The following AGBL1 variants were observed in gnomAD, a reference collection of about 807,000 sequenced individuals.
The protein encoded by AGBL1 is cytosolic carboxypeptidase 4.
AGBL1 carries 130 observed loss-of-function variants against 118.9 expected under a neutral mutation model. The ratio of observed to expected loss-of-function variants is 1.09; its 90% CI spans 0.95 to 1.26. The LOEUF (loss-of-function observed/expected upper bound fraction) is 1.26, where lower values mean the gene tolerates loss of function less well. AGBL1 is among the 50% of genes most tolerant of loss of function. The probability of loss-of-function intolerance (pLI) is 0.00; values close to 1 mark genes in which losing one functional copy is unlikely to be tolerated. For missense variants in AGBL1, 1,584 were observed against 1,298.1 expected (o/e 1.22, Z -3.38); for synonymous variants, 555 against 478.9 (o/e 1.16, Z -2.08).
intron 18 of AGBL1, among the ~76,000 whole-genome samples, chr15:86,409,757 G>A (rs2081584206): frequency 6.6e-6 from 1 of 151,998 alleles, no homozygotes; most frequent in African/African-American, 2.4e-5. Context: ...ATCAAGTTGG[G>A]GCTGAGGCTC....
chr15:86,290,624 T>C (rs1175846473), intron 16 of AGBL1, among the ~76,000 whole-genome samples: 1 of 151,982 alleles, frequency 6.6e-6, no homozygotes, highest in African/African-American at 2.4e-5. Context: ...AGTGCTGGGA[T>C]TACAGGTGTG....
intron 23 of AGBL1, among the ~76,000 whole-genome samples, chr15:86,960,499 A>T (rs1384554049): frequency 1.3e-5 from 2 of 152,074 alleles, no homozygotes; most frequent in African/African-American, 4.8e-5. Flanking sequence ...GTTGTCAAAG[A>T]TGTAAAGAAA....
intron 24 of AGBL1, among the ~76,000 whole-genome samples, chr15:86,995,279 A>G (rs1253418319): frequency 3.9e-5 from 6 of 152,238 alleles, no homozygotes. Context: ...CCCAACTATC[A>G]GGAGGCTGAG....
intron 22 of AGBL1, among the ~76,000 whole-genome samples, chr15:86,698,340 C>A (rs1345390450): frequency 6.6e-6 from 1 of 151,952 alleles, no homozygotes; most frequent in African/African-American, 2.4e-5. Flanking sequence ...GAAATATCCC[C>A]TAAAATAACT....
intron 15 of AGBL1, among the ~76,000 whole-genome samples, chr15:86,275,424 A>G (rs1041988475): frequency 1.3e-5 from 2 of 152,130 alleles, no homozygotes; most frequent in African/African-American, 4.8e-5. Context: ...GCCTTATTAG[A>G]TCCTGTTAAA....
rs1646341113 is a variant in AGBL1, at chr15:86,397,461, AG to A, written c.2471del (p.Ser824MetfsTer8). 2 of 1,613,192 alleles carry A rather than the reference AG, an allele frequency of 1.2e-6. No homozygotes were observed. Among genetic ancestry groups the A allele is most frequent in the Non-Finnish European group, 1.7e-6 (2 of 1,179,392 alleles). On this transcript the variant is annotated frameshift_variant, in exon 18 of 23. Transcript: ENST00000614907. LOFTEE classifies it high-confidence loss of function. ...GGGTACCTTGGAGTTCCTGGTCAGC[AG>A]TGACCCTGTGGCTAGGCTCTTGAGG... Reference protein sequence around the residue: ...MKGTLEFLVSSDPVARLLREN... With the variant: ...MKGTLEFLVSXDPVARLLREN...
At chr15:86,839,611 C>G (rs1176090401) in intron 22 of AGBL1, among the ~76,000 whole-genome samples, 2 of 152,164 alleles carry the variant, frequency 1.3e-5, no homozygotes, top group Non-Finnish European at 2.9e-5. Context: ...GCCTCTTCCC[C>G]TTATATGTCA....
chr15:86,370,690 T>C (rs1301424081), intron 17 of AGBL1, among the ~76,000 whole-genome samples: 7 of 152,232 alleles, frequency 4.6e-5, no homozygotes, highest in Admixed American at 3.9e-4. Context: ...TGCCTCTACT[T>C]ATCTGCTCTC....
intron 18 of AGBL1, among the ~76,000 whole-genome samples, chr15:86,420,642 A>G (rs1257786143): frequency 1.3e-5 from 2 of 152,228 alleles, no homozygotes; most frequent in Non-Finnish European, 2.9e-5. Flanking sequence ...AGGCTTCAGA[A>G]GGTGGTTAAT....
intron 22 of AGBL1, among the ~76,000 whole-genome samples, chr15:86,752,750 AGTT>A (rs1171278631): frequency 2.0e-5 from 3 of 152,124 alleles, no homozygotes; most frequent in African/African-American, 4.8e-5. Flanking sequence ...TGGGAGAAAA[AGTT>A]GTTAAGAGAG....
chr15:86,617,275 G>A (rs528940630), intron 21 of AGBL1, among the ~76,000 whole-genome samples: 2 of 152,108 alleles, frequency 1.3e-5, no homozygotes, highest in Non-Finnish European at 1.5e-5. Flanking sequence ...TTTCAGAGTC[G>A]ATAGCCAACA....
intron 5 of AGBL1, among the ~76,000 whole-genome samples, chr15:86,159,929 A>G (rs1017101530): frequency 6.6e-6 from 1 of 152,088 alleles, no homozygotes; most frequent in South Asian, 2.1e-4. Flanking sequence ...AGTGAAATAC[A>G]TTATATCTCA....
chr15:86,379,121 C>T (rs1182892557), intron 17 of AGBL1, among the ~76,000 whole-genome samples: 2 of 152,052 alleles, frequency 1.3e-5, no homozygotes, highest in East Asian at 3.9e-4. Context: ...CCGTGTTGGT[C>T]AGGCTGGTCT....
At chr15:86,786,005 T>A (rs12898682) in intron 22 of AGBL1, among the ~76,000 whole-genome samples, 58,409 of 152,016 alleles carry the variant, frequency 0.38, 12,865 homozygotes, top group Non-Finnish European at 0.52. Context: ...AGGTAGTTTG[T>A]GTACAAACAC....
chr15:86,561,853 T>C (rs978872538), intron 21 of AGBL1, among the ~76,000 whole-genome samples: 182 of 152,322 alleles, frequency 1.2e-3, no homozygotes, highest in Non-Finnish European at 2.2e-3. Flanking sequence ...GTAGTTCTCC[T>C]TGAAGAGGTC....
chr15:86,731,278 G>A (rs145995142), intron 22 of AGBL1, among the ~76,000 whole-genome samples: 12 of 152,198 alleles, frequency 7.9e-5, no homozygotes, highest in African/African-American at 2.4e-4. Context: ...GAAGTCTCAC[G>A]TACCTGAAAG....
intron 22 of AGBL1, among the ~76,000 whole-genome samples, chr15:86,862,804 G>T (rs1196462941): frequency 1.3e-5 from 2 of 152,186 alleles, no homozygotes; most frequent in Non-Finnish European, 2.9e-5. Context: ...ACAGCTATTG[G>T]TTGTGCTGAG....
intron 21 of AGBL1, among the ~76,000 whole-genome samples, chr15:86,662,554 A>G (rs1272743132): frequency 1.3e-5 from 2 of 152,220 alleles, no homozygotes; most frequent in Non-Finnish European, 2.9e-5. Context: ...AGTGCTACTC[A>G]AAGTATCTGG....
At chr15:86,712,343 G>T (rs2086573598) in intron 22 of AGBL1, among the ~76,000 whole-genome samples, 1 of 151,088 alleles carries the variant, frequency 6.6e-6, no homozygotes, top group Non-Finnish European at 1.5e-5. Context: ...TTAGTAGAAG[G>T]GATTACAGAG....
Sources: gnomAD v4.1 joint callset for allele counts (sites outside exome capture counted in the v4.1 genomes callset) on GRCh38, gnomAD v4.1.1 for gene constraint, MANE v1.5 for transcripts, NCBI Gene and HGNC (gene_info 2026-07-23, HGNC 2026-07-21) for gene names.